The following UGGT2 variants were observed in gnomAD, a reference collection of about 807,000 sequenced individuals.
The protein encoded by UGGT2 is UDP-glucose:glycoprotein glucosyltransferase 2.
UGGT2 carries 180 observed loss-of-function variants against 192.1 expected under a neutral mutation model. That is an observed-to-expected ratio of 0.94 (90% CI 0.83 to 1.06). The LOEUF is 1.06. Ranked by LOEUF, UGGT2 falls within the 50% of genes least tolerant of loss-of-function variation. UGGT2 has a pLI of 0.00. For synonymous variants in UGGT2, 580 were observed against 591.0 expected, an observed-to-expected ratio of 0.98 and a Z score of 0.27; for missense variants, 1,849 against 1,795.7, an observed-to-expected ratio of 1.03 and a Z score of -0.54.
At chr13:95,808,102 C>T (rs1189245974) in intron 38 of UGGT2, among the ~76,000 whole-genome samples, 1 of 152,016 alleles carries the variant, frequency 6.6e-6, no homozygotes, top group Non-Finnish European at 1.5e-5. Context: ...GAGCATTGCC[C>T]AATATCAAAA....
intron 12 of UGGT2, among the ~76,000 whole-genome samples, chr13:95,954,696 C>G (rs1392951253): frequency 1.3e-5 from 2 of 152,136 alleles, no homozygotes. Flanking sequence ...TCCAGATGTA[C>G]CAAACCAATG....
At chr13:96,023,598 T>C in intron 3 of UGGT2, 31 bp downstream of exon 3, 2 of 1,584,018 alleles carry the variant, frequency 1.3e-6, no homozygotes, top group Non-Finnish European at 8.6e-7. Context: ...CGTGCCTCTT[T>C]GTCAAATACA....
chr13:95,826,509 A>C (rs1226060525), intron 38 of UGGT2, among the ~76,000 whole-genome samples: 3 of 152,118 alleles, frequency 2.0e-5, no homozygotes, highest in Admixed American at 2.0e-4. Flanking sequence ...CCAATATAAA[A>C]ATTCAGTATG....
chr13:96,004,302 A>G (rs2051901424), intron 5 of UGGT2, among the ~76,000 whole-genome samples: 1 of 152,188 alleles, frequency 6.6e-6, no homozygotes, highest in South Asian at 2.1e-4. Context: ...TGTAATGATC[A>G]AATCAGGGTA....
intron 37 of UGGT2, among the ~76,000 whole-genome samples, chr13:95,836,737 T>C (rs560476364): frequency 5.9e-5 from 9 of 152,358 alleles, no homozygotes; most frequent in African/African-American, 1.9e-4. Flanking sequence ...CCGTGTGATA[T>C]CACAGAGAAA....
At chr13:95,951,653 T>C (rs182831832) in intron 12 of UGGT2, among the ~76,000 whole-genome samples, 68 of 152,302 alleles carry the variant, frequency 4.5e-4, no homozygotes, top group African/African-American at 1.4e-3. Context: ...TAATAACCTA[T>C]AAGTACAGAA....
chr13:95,939,343 C>A (rs1374816279), intron 16 of UGGT2, among the ~76,000 whole-genome samples: 2 of 152,172 alleles, frequency 1.3e-5, no homozygotes, highest in Non-Finnish European at 2.9e-5. Flanking sequence ...TATCCCCATA[C>A]CCCAGAGCAT....
chr13:96,048,964 C>G (rs879512770), intron 1 of UGGT2, among the ~76,000 whole-genome samples: 8,543 of 152,210 alleles, frequency 0.056, 371 homozygotes, highest in Non-Finnish European at 0.081. Flanking sequence ...AAAAGGGAAT[C>G]CTCCCTAACT....
intron 1 of UGGT2, among the ~76,000 whole-genome samples, chr13:96,034,512 C>T (rs955407702): frequency 2.6e-5 from 4 of 152,202 alleles, no homozygotes; most frequent in African/African-American, 7.2e-5. Flanking sequence ...GTAACATGAA[C>T]AGGGCTGAAA....
intron 12 of UGGT2, among the ~76,000 whole-genome samples, chr13:95,953,776 G>A (rs1026668131): frequency 1.3e-5 from 2 of 151,916 alleles, no homozygotes; most frequent in African/African-American, 4.8e-5. Flanking sequence ...GGAGAAAAAA[G>A]AATCAAGATG....
In UGGT2 at chr13:95,940,065, T is replaced by C. The variant is rs1246262017; in HGVS notation, c.1704A>G (p.Gln568=). 1 of 1,546,048 alleles carries C rather than the reference T, an allele frequency of 6.5e-7. No homozygotes were observed. The highest frequency in any genetic ancestry group is 8.8e-7 in the Non-Finnish European group (1 of 1,142,496). Residue 568 remains glutamine, a synonymous_variant, in exon 16 of 39, where the codon CAA becomes CAG. Transcript: ENST00000376747. ...TCACATTGTCCACAGTGAGTATATT[T>C]TGATCCTTCTTCACTTTTTGGTACA... ...VHMYQKVKKD[Q]NILTVDNVKS...
intron 1 of UGGT2, among the ~76,000 whole-genome samples, chr13:96,041,960 G>A (rs550009368): frequency 6.6e-6 from 1 of 151,956 alleles, no homozygotes; most frequent in Non-Finnish European, 1.5e-5. Flanking sequence ...GAAGACAAAG[G>A]GCATATACTC....
chr13:96,018,390 C>T (rs1262486711), intron 4 of UGGT2, among the ~76,000 whole-genome samples: 1 of 152,030 alleles, frequency 6.6e-6, no homozygotes, highest in Non-Finnish European at 1.5e-5. Context: ...GTGGTTTGTA[C>T]CTGTAGTCCC....
chr13:95,936,622 C>T (rs929559694), intron 17 of UGGT2, among the ~76,000 whole-genome samples: 5 of 152,206 alleles, frequency 3.3e-5, no homozygotes, highest in African/African-American at 1.2e-4. Context: ...GGGAAACCTC[C>T]TTGGCTCCAA....
At chr13:95,815,581 C>T (rs927257106) in intron 38 of UGGT2, among the ~76,000 whole-genome samples, 9 of 152,102 alleles carry the variant, frequency 5.9e-5, no homozygotes, top group African/African-American at 2.2e-4. Context: ...AGAAACATAT[C>T]GTATTTATGA....
At chr13:95,903,204 T>C (rs2048163423) in intron 20 of UGGT2, 144 bp from the exon 21 acceptor site, 3 of 668,580 alleles carry the variant, frequency 4.5e-6, no homozygotes, top group Non-Finnish European at 7.1e-6. Flanking sequence ...CTGTACTAAA[T>C]GTGATATACC....
At chr13:95,842,477 T>C (rs1887968389) in intron 36 of UGGT2, among the ~76,000 whole-genome samples, 1 of 152,224 alleles carries the variant, frequency 6.6e-6, no homozygotes, top group Non-Finnish European at 1.5e-5. Context: ...TATTCTCCTC[T>C]TGACAGATAT....
chr13:95,995,505 A>G (rs911175271), intron 7 of UGGT2: 7 of 152,628 alleles, frequency 4.6e-5, no homozygotes, highest in Non-Finnish European at 7.3e-5. Context: ...TTATGAGGGT[A>G]GTTTACAAGT....
intron 12 of UGGT2, among the ~76,000 whole-genome samples, chr13:95,957,722 G>C (rs926221208): frequency 6.6e-6 from 1 of 152,176 alleles, no homozygotes; most frequent in African/African-American, 2.4e-5. Flanking sequence ...AAGAGAATAG[G>C]AAGGTTTCTT....
Sources: allele counts gnomAD v4.1 joint callset (sites outside exome capture counted in the v4.1 genomes callset), GRCh38; gene constraint gnomAD v4.1.1; transcripts MANE v1.5; gene names NCBI Gene and HGNC (gene_info 2026-07-23, HGNC 2026-07-21).